The following RBMS3 variants were observed in gnomAD, a reference collection of about 807,000 sequenced individuals.
The protein encoded by RBMS3 is RNA-binding motif, single-stranded-interacting protein 3.
A neutral mutation model predicts 66.8 loss-of-function variants in RBMS3; 27 were observed. That is an observed-to-expected ratio of 0.40 (90% CI 0.30 to 0.56). The LOEUF (loss-of-function observed/expected upper bound fraction) is 0.56. Ranked by LOEUF, RBMS3 falls within the 20% of genes least tolerant of loss-of-function variation. The probability of loss-of-function intolerance (pLI) is 0.40; values close to 1 mark genes in which losing one functional copy is unlikely to be tolerated. For missense variants in RBMS3, 513 were observed against 549.5 expected, an observed-to-expected ratio of 0.93 and a Z score of 0.66; for synonymous variants, 188 against 183.0, an observed-to-expected ratio of 1.03 and a Z score of -0.22.
chr3:29,995,544 C>T lies in RBMS3; in HGVS notation c.1307+4335C>T, dbSNP rs558750450. Reference sequence around the variant, plus strand: ...GTCGGGTTACCCTCAAAGGGAAGCCCATCAGACTAACAGCGGATCTCTCAG... The same window carrying T: ...GTCGGGTTACCCTCAAAGGGAAGCCTATCAGACTAACAGCGGATCTCTCAG... On this transcript the variant is annotated intron_variant, in intron 14 of 14. Transcript: ENST00000383767. Among the ~76,000 whole-genome samples, 566 of 149,934 alleles carry T rather than the reference C, an allele frequency of 3.8e-3. 7 individuals are homozygous for T. The highest frequency in any genetic ancestry group is 6.6e-3 in the Non-Finnish European group (443 of 66,906).
At chr3:29,537,297 G>T (rs940361603) in intron 3 of RBMS3, among the ~76,000 whole-genome samples, 2 of 152,112 alleles carry the variant, frequency 1.3e-5, no homozygotes, top group African/African-American at 4.8e-5. Context: ...AAAGGCACTT[G>T]GTGAAATACT....
intron 4 of RBMS3, among the ~76,000 whole-genome samples, chr3:29,708,264 G>A (rs2053001049): frequency 6.6e-6 from 1 of 152,064 alleles, no homozygotes; most frequent in Admixed American, 6.6e-5. Context: ...ATTATCTCTT[G>A]TTTTCATTTA....
At chr3:29,887,660 T>C (rs1295997793) in intron 8 of RBMS3, among the ~76,000 whole-genome samples, 2 of 151,762 alleles carry the variant, frequency 1.3e-5, no homozygotes, top group African/African-American at 2.4e-5. Context: ...GTAGATGATA[T>C]GCTCAATTTC....
At chr3:29,741,157 G>T (rs553642465) in intron 5 of RBMS3, among the ~76,000 whole-genome samples, 24 of 152,204 alleles carry the variant, frequency 1.6e-4, no homozygotes, top group African/African-American at 5.5e-4. Flanking sequence ...TTGGAGTTGT[G>T]GTTGTGGACC....
intron 1 of RBMS3, among the ~76,000 whole-genome samples, chr3:29,335,084 A>C (rs1411587888): frequency 6.6e-6 from 1 of 151,774 alleles, no homozygotes; most frequent in Non-Finnish European, 1.5e-5. Flanking sequence ...ACATACTGGA[A>C]AATGAAGCCT....
intron 2 of RBMS3, among the ~76,000 whole-genome samples, chr3:29,480,802 G>A (rs2043102589): frequency 6.6e-6 from 1 of 152,160 alleles, no homozygotes; most frequent in South Asian, 2.1e-4. Flanking sequence ...CAGGCAGAGG[G>A]GAAAGAGCCC....
intron 4 of RBMS3, among the ~76,000 whole-genome samples, chr3:29,620,015 G>A (rs747548614): frequency 2.0e-5 from 3 of 152,012 alleles, no homozygotes; most frequent in East Asian, 1.9e-4. Flanking sequence ...AATAAAAATC[G>A]GGGAGCAGGA....
intron 6 of RBMS3, among the ~76,000 whole-genome samples, chr3:29,773,254 TTCATC>T (rs1310458324): frequency 6.6e-6 from 1 of 151,996 alleles, no homozygotes; most frequent in Non-Finnish European, 1.5e-5. Flanking sequence ...CCCTAAATCT[TTCATC>T]TGAAAGCTTA....
At chr3:29,497,973 A>ACTTTTT (rs2043818679) in intron 3 of RBMS3, among the ~76,000 whole-genome samples, 6 of 43,416 alleles carry the variant, frequency 1.4e-4, no homozygotes, top group African/African-American at 4.9e-4. Context: ...AAAAGTATTC[A>ACTTTTT]TTTTTTTTTT....
chr3:29,592,769 C>T (rs1264955934), intron 4 of RBMS3, among the ~76,000 whole-genome samples: 13 of 152,036 alleles, frequency 8.6e-5, no homozygotes, highest in East Asian at 3.9e-4. Flanking sequence ...AAATGTCCAT[C>T]GATGATAGAC....
chr3:29,536,162 G>A (rs1249740077), intron 3 of RBMS3, among the ~76,000 whole-genome samples: 2 of 152,128 alleles, frequency 1.3e-5, no homozygotes, highest in Non-Finnish European at 2.9e-5. Flanking sequence ...AGTAAAAAAT[G>A]TCTGGGAAAG....
chr3:29,460,843 T>C (rs879504804), intron 2 of RBMS3, among the ~76,000 whole-genome samples: 1 of 152,128 alleles, frequency 6.6e-6, no homozygotes, highest in Non-Finnish European at 1.5e-5. Context: ...CAGAGAACAG[T>C]GTCTGATTCT....
At chr3:29,704,277 C>T (rs1176264609) in intron 4 of RBMS3, among the ~76,000 whole-genome samples, 2 of 152,158 alleles carry the variant, frequency 1.3e-5, no homozygotes, top group Non-Finnish European at 2.9e-5. Context: ...AGGTTGGGGA[C>T]CCCTGATTTA....
At chr3:29,504,950 A>G (rs1406414893) in intron 3 of RBMS3, among the ~76,000 whole-genome samples, 3 of 151,966 alleles carry the variant, frequency 2.0e-5, no homozygotes. Context: ...TTGAATTGAT[A>G]TATGTTAACC....
At chr3:29,898,158 T>A (rs2060171176) in intron 9 of RBMS3, among the ~76,000 whole-genome samples, 1 of 151,702 alleles carries the variant, frequency 6.6e-6, no homozygotes, top group South Asian at 2.1e-4. Flanking sequence ...ACAATACTCC[T>A]TGTTTTATTC....
At chr3:29,828,467 G>T (rs989180080) in intron 6 of RBMS3, among the ~76,000 whole-genome samples, 2 of 152,132 alleles carry the variant, frequency 1.3e-5, no homozygotes, top group Admixed American at 1.3e-4. Flanking sequence ...AAAAAACAAT[G>T]CAACAAGCAT....
At chr3:29,726,599 C>A (rs1016788450) in intron 4 of RBMS3, among the ~76,000 whole-genome samples, 1 of 152,052 alleles carries the variant, frequency 6.6e-6, no homozygotes, top group African/African-American at 2.4e-5. Context: ...AGGGAACTCC[C>A]ATACACAATT....
chr3:29,958,143 A>C (rs888572378), intron 12 of RBMS3, among the ~76,000 whole-genome samples: 3 of 152,140 alleles, frequency 2.0e-5, no homozygotes, highest in African/African-American at 4.8e-5. Context: ...GCACCCTTTC[A>C]TCTAGCAGAA....
At chr3:29,944,988 CT>C (rs1397128011) in intron 12 of RBMS3, among the ~76,000 whole-genome samples, 1 of 151,610 alleles carries the variant, frequency 6.6e-6, no homozygotes, top group Non-Finnish European at 1.5e-5. Flanking sequence ...CTGCACAGAT[CT>C]TCTTGTGCTT....
Sources: allele counts gnomAD v4.1 joint callset (sites outside exome capture counted in the v4.1 genomes callset), GRCh38; gene constraint gnomAD v4.1.1; transcripts MANE v1.5; gene names NCBI Gene and HGNC (gene_info 2026-07-23, HGNC 2026-07-21).